HS3ST6: variants seen among roughly 807,000 people sequenced by gnomAD.
HS3ST6 encodes the protein heparan sulfate glucosamine 3-O-sulfotransferase 6.
Under a neutral mutation model 11.0 loss-of-function variants are expected in HS3ST6, and 13 were observed. The ratio of observed to expected loss-of-function variants is 1.18; its 90% CI spans 0.77 to 1.88. HS3ST6 has a LOEUF of 1.88. HS3ST6 is among the 40% of genes most tolerant of loss of function. The pLI is 0.00. For missense variants in HS3ST6, 541 were observed against 494.4 expected, an observed-to-expected ratio of 1.09 and a Z score of -0.89; for synonymous variants, 232 against 230.6, an observed-to-expected ratio of 1.01 and a Z score of -0.06.
At chr16:1,919,714 A>T (rs951853768), upstream of HS3ST6, among the ~76,000 whole-genome samples, 4 of 152,152 alleles carry the variant, frequency 2.6e-5, no homozygotes, top group African/African-American at 7.2e-5. Context: ...GACATTCCGG[A>T]GCTCCTACCC....
chr16:1,918,045 C>T lies in HS3ST6; in HGVS notation c.279G>A (p.Ala93=), dbSNP rs1429986681. ...SGPGRRRFPQ[A]LIVGVKKGGT... ...CGCCCTTCTTCACGCCAACGATGAG[C>T]GCTTGCGGGAAGCGCCGGCGGCCGG... The change falls in exon 1 of 2, where the codon GCG becomes GCA. Residue 93 remains alanine (A), a synonymous_variant. Coordinates refer to ENST00000454677, the MANE Select transcript of HS3ST6 (RefSeq NM_001009606.4). The surrounding 1 kb of genome is among the most constrained non-coding windows in gnomAD (Gnocchi z 6.0). 3.3e-6 allele frequency: 5 copies of T among 1,517,784 alleles called. No homozygotes were observed. The South Asian group carries it at 4.9e-5, about 15-fold the overall frequency. 94.0% of individuals were successfully genotyped at this position (1,517,784 alleles called of 1,614,324 possible).
intron 1 of HS3ST6, among the ~76,000 whole-genome samples, chr16:1,915,088 C>G (rs2082917313): frequency 6.6e-6 from 1 of 152,096 alleles, no homozygotes; most frequent in South Asian, 2.1e-4. Context: ...TCGCAGATGC[C>G]AAAAGGGCCT....
rs2082900904 is a variant in HS3ST6 at position 1,912,936 on chromosome 16, T to C, written c.414-731A>G. On this transcript the variant is annotated intron_variant, in intron 1 of 1. Transcript: ENST00000454677. The surrounding 1 kb of genome is among the most constrained non-coding windows in gnomAD (Gnocchi z 5.6). Reference sequence around the variant, plus strand: ...CCCCCGGAGTAGCTGGGATTACAGGTGCCCGCCACCACACCCAGCTAATTT... The same window carrying C: ...CCCCCGGAGTAGCTGGGATTACAGGCGCCCGCCACCACACCCAGCTAATTT... Among the ~76,000 whole-genome samples the C allele has an allele frequency of 6.6e-6, 1 of 151,994 alleles. No individual in the cohort carries two copies. The highest frequency in any genetic ancestry group is 1.5e-5 in the Non-Finnish European group (1 of 67,996).
chr16:1,912,253 G>A lies in HS3ST6; in HGVS notation c.414-48C>T, dbSNP rs780726540. 46 of 1,317,264 alleles carry A rather than the reference G, an allele frequency of 3.5e-5. No individual in the cohort carries two copies. The highest frequency in any genetic ancestry group is 2.3e-4 in the Middle Eastern group (1 of 4,324). 81.6% of individuals were successfully genotyped at this position (1,317,264 alleles called of 1,614,324 possible). ...GGGGGCCTGAGCCTCCCCAGCCCTAGACCGGCCCCCAGGGGCCCGGGACCA... is the reference window on the plus strand; with the variant it reads ...GGGGGCCTGAGCCTCCCCAGCCCTAAACCGGCCCCCAGGGGCCCGGGACCA... On this transcript the variant is annotated intron_variant, in intron 1 of 1. Coordinates refer to ENST00000454677, the MANE Select transcript of HS3ST6 (RefSeq NM_001009606.4). This position sits in a 1 kb window ranked among gnomAD's most constrained non-coding sequence, Gnocchi z 5.6.
Position 1,918,256 on chromosome 16 carries a change from G to T in HS3ST6, c.68C>A (p.Ala23Asp), listed in dbSNP as rs1428104098. Reference sequence around the variant, plus strand: ...CGGCGCGCGGGACGCCCGCAGAGCGGCCCCTTGCCCGGCCCCTGCGCCCTG... The same window carrying T: ...CGGCGCGCGGGACGCCCGCAGAGCGTCCCCTTGCCCGGCCCCTGCGCCCTG... Reference protein sequence around the residue: ...GGQGAGAGQGAALRASRAPML... With the variant: ...GGQGAGAGQGDALRASRAPML... Residue 23 changes from alanine (A) to aspartate (D), a missense_variant, in exon 1 of 2, where the codon GCC becomes GAC. Coordinates refer to ENST00000454677, the MANE Select transcript of HS3ST6 (RefSeq NM_001009606.4). The surrounding 1 kb of genome is among the most constrained non-coding windows in gnomAD (Gnocchi z 6.0). The T allele has an allele frequency of 5.0e-6, 5 of 1,003,632 alleles. No individual in the cohort carries two copies. The highest frequency in any genetic ancestry group is 5.9e-5 in the Admixed American group (1 of 16,988). The allele number at this position is 1,003,632 out of a possible 1,614,324, so 62.2% of individuals were successfully genotyped here. A position where few individuals can be genotyped will look rare whatever the true frequency, so the allele number is the denominator to read the frequency against.
In HS3ST6 at chr16:1,912,087, C is replaced by CG. The variant is rs2082894234; in HGVS notation, c.531dup (p.Val178ArgfsTer200). The CG allele has an allele frequency of 1.3e-6, 2 of 1,509,346 alleles. No individual in the cohort carries two copies. Among genetic ancestry groups the CG allele is most frequent in the East Asian group, 4.7e-5 (2 of 42,586 alleles). The allele number at this position is 1,509,346 out of a possible 1,614,324, so 93.5% of individuals were successfully genotyped here. On this transcript the variant is annotated frameshift_variant, in exon 2 of 2. Transcript: ENST00000454677. LOFTEE classifies it low-confidence loss of function (END_TRUNC). This position sits in a 1 kb window ranked among gnomAD's most constrained non-coding sequence, Gnocchi z 5.6. The stretch of plus-strand genomic sequence containing the variant: ...CGGGTCACGGGGTTCCGCACCACCA[C>CG]GATCAGCTTCGTGTCCGGGGACATG...
chr16:1,913,715 G>C (rs1421396952), intron 1 of HS3ST6, among the ~76,000 whole-genome samples: 1 of 152,178 alleles, frequency 6.6e-6, no homozygotes, highest in African/African-American at 2.4e-5. Flanking sequence ...GACCTGCCAG[G>C]AGTGACCGCC....
rs771232072 is a variant in HS3ST6 at position 1,918,070 on chromosome 16, G to A, written c.254C>T (p.Pro85Leu). The A allele has an allele frequency of 6.6e-7, 1 of 1,507,318 alleles. No homozygotes were observed. The highest frequency in any genetic ancestry group is 8.8e-7 in the Non-Finnish European group (1 of 1,134,338). 93.4% of individuals were successfully genotyped at this position (1,507,318 alleles called of 1,614,324 possible). The change falls in exon 1 of 2, where the codon CCC (proline) becomes CTC (leucine). Residue 85 changes from proline to leucine, a missense_variant. By Grantham distance (98) the Pro-to-Leu change is moderately conservative (BLOSUM62 -3). Transcript: ENST00000454677. The surrounding 1 kb of genome is among the most constrained non-coding windows in gnomAD (Gnocchi z 6.0). Reference sequence around the variant, plus strand: ...CGCTTGCGGGAAGCGCCGGCGGCCGGGACCGCTGGCCAAAGGCAGGCCGGG... The same window carrying A: ...CGCTTGCGGGAAGCGCCGGCGGCCGAGACCGCTGGCCAAAGGCAGGCCGGG... ...GAPGLPLASG[P>L]GRRRFPQALI...
At chr16:1,914,052 C>T (rs1044748572) in intron 1 of HS3ST6, among the ~76,000 whole-genome samples, 1 of 152,188 alleles carries the variant, frequency 6.6e-6, no homozygotes, top group African/African-American at 2.4e-5. Context: ...CTGGGACTCC[C>T]TCCACCCACC....
At chr16:1,914,335 C>G (rs2082912008) in intron 1 of HS3ST6, among the ~76,000 whole-genome samples, 1 of 152,136 alleles carries the variant, frequency 6.6e-6, no homozygotes, top group South Asian at 2.1e-4. Context: ...CTCAGGGGCA[C>G]CCCCGTCCCT....
At position 1,912,227 on chromosome 16, in the gene HS3ST6, A is replaced by T. The variant is rs2082896089; in HGVS notation, c.414-22T>A. ...ACTCCTGCGGGACGGGTGCAAGGAG[A>T]GGGGGCCTGAGCCTCCCCAGCCCTA... On this transcript the variant is annotated intron_variant, in intron 1 of 1. Coordinates refer to ENST00000454677, the MANE Select transcript of HS3ST6 (RefSeq NM_001009606.4). The surrounding 1 kb of genome is among the most constrained non-coding windows in gnomAD (Gnocchi z 5.6). 7.3e-7 allele frequency: 1 copy of T among 1,374,728 alleles called. No individual in the cohort carries two copies. 85.2% of individuals were successfully genotyped at this position (1,374,728 alleles called of 1,614,324 possible).
At position 1,918,029 on chromosome 16, in the gene HS3ST6, T is replaced by C; in HGVS notation, c.295A>G (p.Lys99Glu). 6.5e-7 allele frequency: 1 copy of C among 1,531,126 alleles called. No homozygotes were observed. Among genetic ancestry groups the C allele is most frequent in the South Asian group, 1.2e-5 (1 of 82,484 alleles). 94.8% of individuals were successfully genotyped at this position (1,531,126 alleles called of 1,614,324 possible). Reference protein sequence around the residue: ...RFPQALIVGVKKGGTRALLEF... With the variant: ...RFPQALIVGVEKGGTRALLEF... ...AGCAGGGCGCGCGTGCCGCCCTTCT[T>C]CACGCCAACGATGAGCGCTTGCGGG... Residue 99 changes from lysine (K) to glutamate (E), a missense_variant, in exon 1 of 2, where the codon AAG (lysine) becomes GAG (glutamate). Transcript: ENST00000454677. The surrounding 1 kb of genome is among the most constrained non-coding windows in gnomAD (Gnocchi z 6.0).
upstream of HS3ST6, among the ~76,000 whole-genome samples, chr16:1,919,501 G>A (rs1354299363): frequency 6.6e-6 from 1 of 152,242 alleles, no homozygotes; most frequent in African/African-American, 2.4e-5. Flanking sequence ...CTCCACCTCT[G>A]CCCCAGCCTT....
intron 1 of HS3ST6, among the ~76,000 whole-genome samples, chr16:1,913,079 A>T (rs2082902284): frequency 6.6e-6 from 1 of 152,202 alleles, no homozygotes; most frequent in South Asian, 2.1e-4. Flanking sequence ...GACGTGAGCC[A>T]CTGCGGCTGG....
In HS3ST6 at chr16:1,912,655, T is replaced by A. The variant is rs1439871407; in HGVS notation, c.414-450A>T. 3.3e-5 allele frequency among the ~76,000 whole-genome samples: 5 copies of A among 152,042 alleles called. No homozygotes were observed. Among genetic ancestry groups the A allele is most frequent in the Admixed American group, 6.6e-5 (1 of 15,260 alleles). On this transcript the variant is annotated intron_variant, in intron 1 of 1. Coordinates refer to ENST00000454677, the MANE Select transcript of HS3ST6 (RefSeq NM_001009606.4). The surrounding 1 kb of genome is among the most constrained non-coding windows in gnomAD (Gnocchi z 5.6). ...GTACCCCGAGGCCCGCCCGCCTAGA[T>A]CACTTGAGGTCACCCGTTCACTCAG...
intron 1 of HS3ST6, among the ~76,000 whole-genome samples, chr16:1,914,644 G>T (rs923454428): frequency 2.0e-5 from 3 of 152,126 alleles, no homozygotes; most frequent in Non-Finnish European, 4.4e-5. Context: ...ACCAAAACAG[G>T]AAAGTTCACC....
intron 1 of HS3ST6, among the ~76,000 whole-genome samples, chr16:1,917,295 C>T (rs2082932522): frequency 6.6e-6 from 1 of 152,132 alleles, no homozygotes; most frequent in Admixed American, 6.5e-5. Context: ...CGCACCCCCA[C>T]GTCCATCCTG....
intron 1 of HS3ST6, 36 bp downstream of exon 1, chr16:1,917,875 A>G (rs1250130054): frequency 3.8e-6 from 5 of 1,327,552 alleles, no homozygotes; most frequent in Non-Finnish European, 4.9e-6. Flanking sequence ...CTCCCCAGGA[A>G]GGCGCCGGTC....
In HS3ST6 at chr16:1,911,518, C is replaced by A. The variant is rs1019842120; in HGVS notation, c.*72G>T. On this transcript the variant is annotated 3_prime_UTR_variant, in exon 2 of 2. Transcript: ENST00000454677. ...TTCTTAAATATTCCTCTCTGCCCAG[C>A]ATGTGCACGCAGCCCGCTCTGGCCA... 3.7e-5 allele frequency: 53 copies of A among 1,430,866 alleles called. No individual in the cohort carries two copies. Among genetic ancestry groups the A allele is most frequent in the Non-Finnish European group, 4.9e-5 (53 of 1,081,254 alleles). 88.6% of individuals were successfully genotyped at this position (1,430,866 alleles called of 1,614,324 possible). A position where few individuals can be genotyped will look rare whatever the true frequency, so the allele number is the denominator to read the frequency against.
Sources: gnomAD v4.1 joint callset for allele counts (sites outside exome capture counted in the v4.1 genomes callset) on GRCh38, gnomAD v4.1.1 for gene constraint, Gnocchi (gnomAD v3.1) non-coding constraint, MANE v1.5 for transcripts, NCBI Gene and HGNC (gene_info 2026-07-23, HGNC 2026-07-21) for gene names.